KCTD1: variants seen among roughly 807,000 people sequenced by gnomAD.
KCTD1 encodes the protein BTB/POZ domain-containing protein KCTD1.
In KCTD1, 24 loss-of-function variants were observed where a neutral mutation model predicts 66.0. That is an observed-to-expected ratio of 0.36 (90% confidence interval 0.26 to 0.51). The LOEUF (loss-of-function observed/expected upper bound fraction) is 0.51, where lower values mean the gene tolerates loss of function less well. Among genes scored for constraint, KCTD1 ranks in the 20% least tolerant of loss-of-function variants. The pLI is 0.95. For synonymous variants in KCTD1, 511 were observed against 517.2 expected (o/e 0.99, Z 0.16); for missense variants, 943 against 1,205.2 (o/e 0.78, Z 3.22).
At chr18:26,621,699 A>G (rs920757589) in intron 1 of KCTD1, among the ~76,000 whole-genome samples, 1 of 152,218 alleles carries the variant, frequency 6.6e-6, no homozygotes, top group Non-Finnish European at 1.5e-5. Context: ...TTTAAATAGT[A>G]TTGGTTAATA....
chr18:26,505,812 G>A (rs1446647890), intron 1 of KCTD1, among the ~76,000 whole-genome samples: 1 of 152,044 alleles, frequency 6.6e-6, no homozygotes, highest in Non-Finnish European at 1.5e-5. Flanking sequence ...TCCCACCTAG[G>A]CCTCCCAAAG....
chr18:26,633,627 G>GA (rs1319152222), upstream of KCTD1, among the ~76,000 whole-genome samples: 1 of 152,080 alleles, frequency 6.6e-6, no homozygotes, highest in Non-Finnish European at 1.5e-5. Context: ...AAACTGCAAA[G>GA]AATGTACTTA....
intron 3 of KCTD1, among the ~76,000 whole-genome samples, chr18:26,471,731 C>T (rs919739648): frequency 6.6e-6 from 1 of 152,140 alleles, no homozygotes; most frequent in African/African-American, 2.4e-5. Flanking sequence ...GGTAACACAG[C>T]ATCTCTATTA....
intron 1 of KCTD1, among the ~76,000 whole-genome samples, chr18:26,656,574 C>T (rs1988148259): frequency 1.3e-5 from 2 of 151,494 alleles, no homozygotes; most frequent in Non-Finnish European, 2.9e-5. Context: ...GGCCGCGGCC[C>T]ACAAAGGGGA....
At chr18:26,490,887 G>A (rs1269274394) in intron 2 of KCTD1, among the ~76,000 whole-genome samples, 2 of 151,900 alleles carry the variant, frequency 1.3e-5, no homozygotes, top group Non-Finnish European at 2.9e-5. Flanking sequence ...CGAGTAGCTG[G>A]GACTACAGGT....
chr18:26,471,133 G>T (rs1289753596), intron 3 of KCTD1, among the ~76,000 whole-genome samples: 2 of 152,052 alleles, frequency 1.3e-5, no homozygotes, highest in African/African-American at 2.4e-5. Flanking sequence ...ACACAACAAA[G>T]CCGAGTATAC....
At chr18:26,511,537 A>G (rs1983331246) in intron 1 of KCTD1, among the ~76,000 whole-genome samples, 1 of 152,232 alleles carries the variant, frequency 6.6e-6, no homozygotes, top group Non-Finnish European at 1.5e-5. Context: ...AAGGTTGGCA[A>G]TGAAACAGCG....
At chr18:26,643,470 A>G (rs918925307), upstream of KCTD1, among the ~76,000 whole-genome samples, 1 of 152,208 alleles carries the variant, frequency 6.6e-6, no homozygotes, top group African/African-American at 2.4e-5. Context: ...AAGGGACAAC[A>G]AGAAAGAAAG....
rs192842021 is a variant in KCTD1, at chr18:26,503,314, A to T, written c.1810-2064T>A. Among the ~76,000 whole-genome samples the T allele has an allele frequency of 1.6e-4, 24 of 152,134 alleles. No individual in the cohort carries two copies. The East Asian group carries it at 4.2e-3, about 27-fold the overall frequency. ...GGGGTATTGGGTATTGGAAAAAAAT[A>T]AAAAAAACAAGACAGTTGGTAGGAA... On this transcript the variant is annotated intron_variant, in intron 1 of 4. Coordinates refer to ENST00000580059, the MANE Select transcript of KCTD1 (RefSeq NM_001142730.3).
chr18:26,559,098 T>C (rs568263240), intron 1 of KCTD1, among the ~76,000 whole-genome samples: 13 of 152,022 alleles, frequency 8.6e-5, no homozygotes, highest in East Asian at 3.9e-4. Context: ...TACCAGAGAC[T>C]GGGAAGGGTA....
intron 1 of KCTD1, among the ~76,000 whole-genome samples, chr18:26,530,242 C>G (rs192424143): frequency 6.6e-6 from 1 of 152,286 alleles, no homozygotes; most frequent in African/African-American, 2.4e-5. Flanking sequence ...GCCCTGTCAA[C>G]CCTACACTTT....
chr18:26,644,835 A>G (rs917621991), upstream of KCTD1, among the ~76,000 whole-genome samples: 1 of 152,108 alleles, frequency 6.6e-6, no homozygotes, highest in Admixed American at 6.5e-5. Flanking sequence ...GTTGAAAAGC[A>G]GGCTTAGTGG....
At chr18:26,510,649 T>C (rs989836656) in intron 1 of KCTD1, among the ~76,000 whole-genome samples, 3 of 152,216 alleles carry the variant, frequency 2.0e-5, no homozygotes, top group Non-Finnish European at 4.4e-5. Flanking sequence ...AGAATGACTA[T>C]TGGCCAACAT....
intron 1 of KCTD1, among the ~76,000 whole-genome samples, chr18:26,647,331 A>AT (rs749067821): frequency 2.6e-5 from 3 of 116,460 alleles, no homozygotes; most frequent in Non-Finnish European, 4.0e-5. Context: ...AGATAGTGAA[A>AT]CCCCCCCCCC....
chr18:26,606,157 G>T (rs1286185339), intron 1 of KCTD1, among the ~76,000 whole-genome samples: 5 of 152,242 alleles, frequency 3.3e-5, no homozygotes, highest in Non-Finnish European at 7.3e-5. Context: ...GGGTTGTGGA[G>T]ACCAAGGTTT....
Position 26,532,397 on chromosome 18 carries a change from G to A in KCTD1, c.1809+14331C>T, listed in dbSNP as rs181947810. 2.9e-4 allele frequency among the ~76,000 whole-genome samples: 44 copies of A among 151,324 alleles called. 1 individual carries two copies. In the East Asian group the frequency reaches 7.6e-3, roughly 26 times the overall value. ...AGATCCTCCTGCCTCCAGGGTAGCT[G>A]GGAGTACAGACATGCACTCCCACAC... On this transcript the variant is annotated intron_variant, in intron 1 of 4. Transcript: ENST00000580059.
intron 1 of KCTD1, 63 bp downstream of exon 1, chr18:26,546,665 A>G: frequency 1.5e-5 from 22 of 1,483,692 alleles, no homozygotes; most frequent in Non-Finnish European, 2.0e-5. Context: ...CTGCATTAGC[A>G]CAAAAGTTAG....
At chr18:26,651,719 G>T (rs957630243) in intron 1 of KCTD1, among the ~76,000 whole-genome samples, 1 of 150,718 alleles carries the variant, frequency 6.6e-6, no homozygotes, top group East Asian at 1.9e-4. Context: ...AGGAGGGGGA[G>T]GTTGCAGTGA....
At chr18:26,607,836 T>G (rs189705224) in intron 1 of KCTD1, among the ~76,000 whole-genome samples, 76 of 152,296 alleles carry the variant, frequency 5.0e-4, no homozygotes, top group Admixed American at 2.3e-3. Flanking sequence ...GGTGTGATCT[T>G]GGTTCACTGC....
Sources: allele counts gnomAD v4.1 joint callset (sites outside exome capture counted in the v4.1 genomes callset), GRCh38; gene constraint gnomAD v4.1.1; transcripts MANE v1.5; gene names NCBI Gene and HGNC (gene_info 2026-07-23, HGNC 2026-07-21).